Variants in TMEM120B observed in about 807,000 individuals in gnomAD.
The protein encoded by TMEM120B is transmembrane protein 120B.
In TMEM120B, 31 loss-of-function variants were observed where a neutral mutation model predicts 55.5. The ratio of observed to expected loss-of-function variants is 0.56; its 90% CI spans 0.42 to 0.75. The LOEUF is 0.75. Ranked by LOEUF, TMEM120B falls within the 30% of genes least tolerant of loss-of-function variation. The pLI, the probability that TMEM120B is intolerant of heterozygous loss-of-function variation, is 0.00. For synonymous variants in TMEM120B, 203 were observed against 176.3 expected (o/e 1.15, Z -1.20); for missense variants, 399 against 425.5 (o/e 0.94, Z 0.55).
chr12:121,773,286 A>G lies in TMEM120B; in HGVS notation c.680-135A>G, dbSNP rs983097177. 24 of 681,662 alleles carry G rather than the reference A, an allele frequency of 3.5e-5. No individual in the cohort carries two copies. In the African/African-American group the frequency reaches 4.4e-4, roughly 12 times the overall value. The allele number at this position is 681,662 out of a possible 1,614,324, so 42.2% of individuals were successfully genotyped here. A position where few individuals can be genotyped will look rare whatever the true frequency, so the allele number is the denominator to read the frequency against. ...TCTGTTTGTGGTGTGTGGGCGTGGG[A>G]GAGGGTTGTAACCAGGGCACCCTTT... On this transcript the variant is annotated intron_variant, in intron 8 of 11. Coordinates refer to ENST00000449592, the MANE Select transcript of TMEM120B (RefSeq NM_001080825.2).
intron 2 of TMEM120B, among the ~76,000 whole-genome samples, chr12:121,747,121 G>A (rs11830094): frequency 3.5e-4 from 54 of 152,248 alleles, no homozygotes; most frequent in African/African-American, 1.2e-3. Flanking sequence ...AGGTTATCCC[G>A]GCTTTTCAGG....
At chr12:121,738,337 CATTAAAT>C (rs1285222638) in intron 1 of TMEM120B, among the ~76,000 whole-genome samples, 1 of 152,080 alleles carries the variant, frequency 6.6e-6, no homozygotes, top group East Asian at 1.9e-4. Context: ...TTACTTGTGA[CATTAAAT>C]ATTAATTGAA....
chr12:121,716,137 C>T (rs1024396327), intron 1 of TMEM120B, among the ~76,000 whole-genome samples: 1 of 151,062 alleles, frequency 6.6e-6, no homozygotes, highest in African/African-American at 2.4e-5. Context: ...ACCCCTGTCT[C>T]TACAAACAGT....
chr12:121,772,378 C>T (rs1026607637), intron 8 of TMEM120B, among the ~76,000 whole-genome samples: 3 of 152,026 alleles, frequency 2.0e-5, no homozygotes, highest in African/African-American at 4.8e-5. Context: ...GGTCCACCCA[C>T]CTCTGCCACC....
chr12:121,726,752 C>A (rs1251735224), intron 1 of TMEM120B, among the ~76,000 whole-genome samples: 2 of 150,472 alleles, frequency 1.3e-5, no homozygotes, highest in Non-Finnish European at 3.0e-5. Flanking sequence ...TAAAAAAATA[C>A]AAAAATTAGC....
At chr12:121,750,286 C>T in intron 3 of TMEM120B, 94 bp from the exon 4 acceptor site, 1 of 1,202,410 alleles carries the variant, frequency 8.3e-7, no homozygotes, top group Non-Finnish European at 1.2e-6. Flanking sequence ...AACATCAGTG[C>T]TTGGGATGTG....
At chr12:121,753,473 A>T (rs1012113359) in intron 5 of TMEM120B, among the ~76,000 whole-genome samples, 1 of 152,104 alleles carries the variant, frequency 6.6e-6, no homozygotes, top group Non-Finnish European at 1.5e-5. Context: ...CAAGAGGTTG[A>T]GGCAGGAGAA....
chr12:121,771,076 A>C (rs1160833422), intron 7 of TMEM120B, 104 bp downstream of exon 7: 16 of 1,284,748 alleles, frequency 1.2e-5, no homozygotes, highest in Non-Finnish European at 1.8e-5. Flanking sequence ...GGTGTGCTCC[A>C]GGGCCAACTT....
chr12:121,774,773 G>A, intron 10 of TMEM120B, 51 bp downstream of exon 10: 1 of 1,592,052 alleles, frequency 6.3e-7, no homozygotes, highest in East Asian at 2.2e-5. Flanking sequence ...TGACCCCCAG[G>A]AACAGAAGGT....
chr12:121,742,465 G>A (rs1872960097), intron 1 of TMEM120B, among the ~76,000 whole-genome samples: 1 of 152,100 alleles, frequency 6.6e-6, no homozygotes, highest in South Asian at 2.1e-4. Flanking sequence ...TATGTTTGTT[G>A]GCTTATCGTT....
At chr12:121,760,162 GTGTGGTGGAGCATGCC>G (rs1395188668) in intron 5 of TMEM120B, among the ~76,000 whole-genome samples, 2 of 151,330 alleles carry the variant, frequency 1.3e-5, no homozygotes, top group East Asian at 3.9e-4. Flanking sequence ...AATTAGCTGG[GTGTGGTGGAGCATGCC>G]TGTAGTCCCA....
In TMEM120B at chr12:121,776,380, G is replaced by A. The variant is rs140817433; in HGVS notation, c.*658G>A. 463 of 154,220 alleles carry A rather than the reference G, an allele frequency of 3.0e-3. 2 individuals carry two copies. The highest frequency in any genetic ancestry group is 0.022 in the Admixed American group (333 of 15,348). The allele number at this position is 154,220 out of a possible 1,614,324, so 9.6% of individuals were successfully genotyped here. ...CGTCCAAGGGGACAAGGACGTTCCC[G>A]TCTGTGCTTCGGGGTTCCCTGACCC... On this transcript the variant is annotated 3_prime_UTR_variant, in exon 12 of 12. Transcript: ENST00000449592.
chr12:121,772,266 C>T (rs914068801), intron 8 of TMEM120B, among the ~76,000 whole-genome samples: 2 of 151,256 alleles, frequency 1.3e-5, no homozygotes, highest in East Asian at 3.9e-4. Context: ...GTGGCTGGGA[C>T]TACAGGTGCG....
chr12:121,752,519 G>A (rs913772543), intron 5 of TMEM120B, among the ~76,000 whole-genome samples: 9 of 151,956 alleles, frequency 5.9e-5, no homozygotes, highest in East Asian at 1.9e-4. Context: ...TTGGGAGGCC[G>A]AGGCAGGCAG....
At chr12:121,742,716 G>A (rs1003583293) in intron 1 of TMEM120B, among the ~76,000 whole-genome samples, 3 of 152,042 alleles carry the variant, frequency 2.0e-5, no homozygotes, top group African/African-American at 7.2e-5. Context: ...CTCCCAAGTA[G>A]TTGGGATTAC....
chr12:121,758,107 G>A (rs937476294), intron 5 of TMEM120B: 2 of 972,868 alleles, frequency 2.1e-6, no homozygotes, highest in African/African-American at 3.5e-5. Context: ...TCTAAAAACA[G>A]AAAAAAATTG....
intron 1 of TMEM120B, among the ~76,000 whole-genome samples, chr12:121,739,019 C>T (rs1392232367): frequency 6.6e-6 from 1 of 151,970 alleles, no homozygotes; most frequent in Admixed American, 6.6e-5. Flanking sequence ...AAACCCCGTC[C>T]ATCTCTACTA....
intron 1 of TMEM120B, among the ~76,000 whole-genome samples, chr12:121,739,343 G>A (rs115296020): frequency 2.4e-4 from 37 of 152,212 alleles, no homozygotes; most frequent in African/African-American, 8.9e-4. Context: ...AAAAGAGACA[G>A]TTAGCAAAAT....
At chr12:121,713,360 G>A (rs1299682234) in intron 1 of TMEM120B, among the ~76,000 whole-genome samples, 1 of 152,088 alleles carries the variant, frequency 6.6e-6, no homozygotes, top group African/African-American at 2.4e-5. Context: ...ATCTGCTTTT[G>A]GTAGCTCAGC....
Sources: allele counts gnomAD v4.1 joint callset (sites outside exome capture counted in the v4.1 genomes callset), GRCh38; gene constraint gnomAD v4.1.1; transcripts MANE v1.5; gene names NCBI Gene and HGNC (gene_info 2026-07-23, HGNC 2026-07-21).